Variants in ZNF200 observed in about 807,000 individuals in gnomAD.
ZNF200 encodes the protein zinc finger protein 200.
A neutral mutation model predicts 33.6 loss-of-function variants in ZNF200; 35 were observed. The ratio of observed to expected loss-of-function variants is 1.04; its 90% CI spans 0.80 to 1.38. The LOEUF is 1.38. Ranked by LOEUF, ZNF200 falls within the 40% of genes most tolerant of loss-of-function variation. The pLI, the probability that ZNF200 is intolerant of heterozygous loss-of-function variation, is 0.00. For synonymous variants in ZNF200, 209 were observed against 167.7 expected (o/e 1.25, Z -1.90); for missense variants, 592 against 470.6 (o/e 1.26, Z -2.39).
Position 3,223,886 on chromosome 16 carries a change from C to G in ZNF200, c.*6G>C. The G allele has an allele frequency of 1.2e-6, 2 of 1,601,138 alleles. No homozygotes were observed. Among genetic ancestry groups the G allele is most frequent in the South Asian group, 2.2e-5 (2 of 89,402 alleles). The stretch of plus-strand genomic sequence containing the variant: ...GCACCATCAGACCCAGAAAGGGTTC[C>G]CAGTATTACTTCTGCTTTCGGGTCT... On this transcript the variant is annotated 3_prime_UTR_variant, in exon 5 of 5. Transcript: ENST00000414144.
intron 1 of ZNF200, 28 bp from the exon 2 acceptor site, chr16:3,233,864 C>G: frequency 6.8e-7 from 1 of 1,462,492 alleles, no homozygotes; most frequent in South Asian, 1.4e-5. Context: ...AGGGATTACC[C>G]AAAAGACCAG....
intron 4 of ZNF200, among the ~76,000 whole-genome samples, chr16:3,229,253 A>G (rs1208315664): frequency 1.3e-5 from 2 of 152,186 alleles, no homozygotes; most frequent in Non-Finnish European, 2.9e-5. Flanking sequence ...GTATATCAGA[A>G]TTTATGGTAT....
At chr16:3,224,852 G>T in intron 4 of ZNF200, 1 of 527,398 alleles carries the variant, frequency 1.9e-6, no homozygotes, top group Non-Finnish European at 3.3e-6. Context: ...TTCACTGAAA[G>T]ACTTCAAATG....
At chr16:3,230,069 A>G (rs1958595167) in intron 4 of ZNF200, among the ~76,000 whole-genome samples, 1 of 152,218 alleles carries the variant, frequency 6.6e-6, no homozygotes, top group Non-Finnish European at 1.5e-5. Context: ...CTCTTAGTTC[A>G]CTAACAATGT....
At chr16:3,234,266 C>T (rs1958733967) in intron 1 of ZNF200, 1 of 152,226 alleles carries the variant, frequency 6.6e-6, no homozygotes, top group Non-Finnish European at 1.5e-5. Flanking sequence ...ATTAGCTGGG[C>T]GTGGCGACAC....
At position 3,235,027 on chromosome 16, in the gene ZNF200, G is replaced by C. The variant is rs552597421; in HGVS notation, c.-122C>G. The stretch of plus-strand genomic sequence containing the variant: ...CAGCCCCTGAGCGTTTGCTGGGGAC[G>C]GCTCAGAGACTCAGGCTCCGGGAGA... On this transcript the variant is annotated 5_prime_UTR_variant, in exon 1 of 5. Coordinates refer to ENST00000414144, the MANE Select transcript of ZNF200 (RefSeq NM_198088.3). 1 of 152,232 alleles carries C rather than the reference G, an allele frequency of 6.6e-6. No individual in the cohort carries two copies. Among genetic ancestry groups the C allele is most frequent in the African/African-American group, 2.4e-5 (1 of 41,450 alleles). The allele number at this position is 152,232 out of a possible 1,614,324, so 9.4% of individuals were successfully genotyped here. A position where few individuals can be genotyped will look rare whatever the true frequency, so the allele number is the denominator to read the frequency against.
rs182257553 is a variant in ZNF200 at position 3,235,061 on chromosome 16, A to C, written c.-156T>G. 2 of 152,138 alleles carry C rather than the reference A, an allele frequency of 1.3e-5. No individual in the cohort carries two copies. The highest frequency in any genetic ancestry group is 3.9e-4 in the East Asian group (2 of 5,144). 9.4% of individuals were successfully genotyped at this position (152,138 alleles called of 1,614,324 possible). A position where few individuals can be genotyped will look rare whatever the true frequency, so the allele number is the denominator to read the frequency against. On this transcript the variant is annotated 5_prime_UTR_variant, in exon 1 of 5. Transcript: ENST00000414144. Reference sequence around the variant, plus strand: ...ACTCAGGCTCCGGGAGAGATAGAAAAACTAGGCGCGAGCGGTCGAGCCCTC... The same window carrying C: ...ACTCAGGCTCCGGGAGAGATAGAAACACTAGGCGCGAGCGGTCGAGCCCTC...
At position 3,235,071 on chromosome 16, in the gene ZNF200, G is replaced by C. The variant is rs562212274; in HGVS notation, c.-166C>G. The C allele has an allele frequency of 2.2e-4, 34 of 152,318 alleles. No homozygotes were observed. Among genetic ancestry groups the C allele is most frequent in the African/African-American group, 8.2e-4 (34 of 41,576 alleles). The allele number at this position is 152,318 out of a possible 1,614,324, so 9.4% of individuals were successfully genotyped here. ...CGGGAGAGATAGAAAAACTAGGCGCGAGCGGTCGAGCCCTCCCCTCGCCCT... is the reference window on the plus strand; with the variant it reads ...CGGGAGAGATAGAAAAACTAGGCGCCAGCGGTCGAGCCCTCCCCTCGCCCT... On this transcript the variant is annotated 5_prime_UTR_variant, in exon 1 of 5. Coordinates refer to ENST00000414144, the MANE Select transcript of ZNF200 (RefSeq NM_198088.3).
intron 4 of ZNF200, among the ~76,000 whole-genome samples, chr16:3,230,794 G>A (rs1958615683): frequency 6.6e-6 from 1 of 152,138 alleles, no homozygotes; most frequent in Non-Finnish European, 1.5e-5. Flanking sequence ...ATATCTGGAG[G>A]ATAATCTCAT....
chr16:3,223,724 A>T lies in ZNF200; in HGVS notation c.*168T>A. On this transcript the variant is annotated 3_prime_UTR_variant, in exon 5 of 5. Transcript: ENST00000414144. ...CCCTTGAAATGTTTTCTTCCCTGTG[A>T]ATTTTCTAGCAATTTGAGGTTTTAG... is the stretch of plus-strand genomic sequence containing the variant. The T allele has an allele frequency of 9.4e-7, 1 of 1,063,128 alleles. No individual in the cohort carries two copies. The allele number at this position is 1,063,128 out of a possible 1,614,324, so 65.9% of individuals were successfully genotyped here.
intron 3 of ZNF200, 52 bp from the exon 4 acceptor site, chr16:3,232,599 C>G (rs187896567): frequency 5.5e-5 from 88 of 1,600,906 alleles, no homozygotes; most frequent in Non-Finnish European, 5.6e-5. Flanking sequence ...TCACTGACAG[C>G]CCTACTGGTA....
rs1015431920 is a variant in ZNF200, at chr16:3,235,050, A to G, written c.-145T>C. Reference sequence around the variant, plus strand: ...ACGGCTCAGAGACTCAGGCTCCGGGAGAGATAGAAAAACTAGGCGCGAGCG... The same window carrying G: ...ACGGCTCAGAGACTCAGGCTCCGGGGGAGATAGAAAAACTAGGCGCGAGCG... On this transcript the variant is annotated 5_prime_UTR_variant, in exon 1 of 5. Transcript: ENST00000414144. The G allele has an allele frequency of 3.9e-5, 6 of 152,066 alleles. No homozygotes were observed. The highest frequency in any genetic ancestry group is 1.4e-4 in the African/African-American group (6 of 41,404). 9.4% of individuals were successfully genotyped at this position (152,066 alleles called of 1,614,324 possible).
chr16:3,232,099 A>C (rs1958649555), intron 4 of ZNF200, among the ~76,000 whole-genome samples: 1 of 152,204 alleles, frequency 6.6e-6, no homozygotes, highest in South Asian at 2.1e-4. Flanking sequence ...TCATGTGTTC[A>C]ATGAAAACAT....
chr16:3,234,979 C>T lies in ZNF200; in HGVS notation c.-82+8G>A, dbSNP rs1029702055. 1.3e-5 allele frequency: 2 copies of T among 152,370 alleles called. No homozygotes were observed. Among genetic ancestry groups the T allele is most frequent in the African/African-American group, 2.4e-5 (1 of 41,476 alleles). 9.4% of individuals were successfully genotyped at this position (152,370 alleles called of 1,614,324 possible). ...CAGCCTGGTTCCCGCCCTCACGGAG[C>T]CCCTCACCTCTCGGGGCCTCTGCAG... On this transcript the variant is annotated splice_region_variant and intron_variant, in intron 1 of 4. Transcript: ENST00000414144.
intron 4 of ZNF200, among the ~76,000 whole-genome samples, chr16:3,230,127 T>C (rs528031457): frequency 3.9e-5 from 6 of 152,354 alleles, no homozygotes; most frequent in African/African-American, 1.4e-4. Context: ...TCTTCCTCTC[T>C]TGCCATGTGA....
At position 3,232,546 on chromosome 16, in the gene ZNF200, T is replaced by C. The variant is rs779069908; in HGVS notation, c.341A>G (p.Glu114Gly). The stretch of plus-strand genomic sequence containing the variant: ...ATTCAAATCCTCAAAGACCACCAGC[T>C]CCTGAAAGAGCAAGAGGCCCCTTTC... ...VSLYLKANPE[E>G]LVVFEDLNVF... The change falls in exon 4 of 5, where the codon GAG (glutamate) becomes GGG (glycine). Residue 114 changes from glutamate (E) to glycine (G), a missense_variant and splice_region_variant. Transcript: ENST00000414144. The C allele has an allele frequency of 1.9e-6, 3 of 1,613,390 alleles. No individual in the cohort carries two copies. The highest frequency in any genetic ancestry group is 2.5e-6 in the Non-Finnish European group (3 of 1,179,948).
intron 4 of ZNF200, 156 bp from the exon 5 acceptor site, chr16:3,224,769 G>T: frequency 1.1e-6 from 1 of 876,820 alleles, no homozygotes; most frequent in Non-Finnish European, 1.7e-6. Flanking sequence ...TATTGAGGGT[G>T]GGATACATAA....
intron 4 of ZNF200, among the ~76,000 whole-genome samples, chr16:3,231,959 T>C (rs1436150304): frequency 2.0e-5 from 3 of 152,228 alleles, no homozygotes; most frequent in Non-Finnish European, 2.9e-5. Flanking sequence ...GTGCCTAGCA[T>C]GTAACAGCAT....
In ZNF200 at chr16:3,223,756, TG is replaced by T; in HGVS notation, c.*135del. 7.5e-7 allele frequency: 1 copy of T among 1,325,386 alleles called. No individual in the cohort carries two copies. The highest frequency in any genetic ancestry group is 1.0e-6 in the Non-Finnish European group (1 of 984,276). 82.1% of individuals were successfully genotyped at this position (1,325,386 alleles called of 1,614,324 possible). On this transcript the variant is annotated 3_prime_UTR_variant, in exon 5 of 5. Coordinates refer to ENST00000414144, the MANE Select transcript of ZNF200 (RefSeq NM_198088.3). ...TAGCAATTTGAGGTTTTAGCTAAGA[TG>T]GGCATTTATCCAATTTTGGCAATAA...
Sources: allele counts gnomAD v4.1 joint callset (sites outside exome capture counted in the v4.1 genomes callset), GRCh38; gene constraint gnomAD v4.1.1; transcripts MANE v1.5; gene names NCBI Gene and HGNC (gene_info 2026-07-23, HGNC 2026-07-21).